The following ACSBG1 variants were observed in gnomAD, a reference collection of about 807,000 sequenced individuals.
The protein encoded by ACSBG1 is acyl-CoA synthetase bubblegum family member 1.
A neutral mutation model predicts 80.2 loss-of-function variants in ACSBG1; 39 were observed. That is an observed-to-expected ratio of 0.49 (90% CI 0.38 to 0.64). The LOEUF is 0.64. ACSBG1 is among the 30% of genes least tolerant of loss of function. The pLI is 0.00. For synonymous variants in ACSBG1, 392 were observed against 379.5 expected (o/e 1.03, Z -0.38); for missense variants, 828 against 966.4 (o/e 0.86, Z 1.90).
intron 1 of ACSBG1, among the ~76,000 whole-genome samples, chr15:78,224,925 AG>A (rs959441549): frequency 3.3e-5 from 5 of 152,180 alleles, no homozygotes; most frequent in Admixed American, 3.3e-4. Flanking sequence ...ATGACTGGAA[AG>A]GAAGAAGTAA....
At chr15:78,174,284 T>G (rs1194111440) in intron 12 of ACSBG1, 101 bp downstream of exon 12, 962 of 1,495,022 alleles carry the variant, frequency 6.4e-4, no homozygotes, top group Non-Finnish European at 8.1e-4. Context: ...AATGAAGCCA[T>G]GAGATCTGGA....
chr15:78,199,220 C>G (rs1258922842), intron 2 of ACSBG1, among the ~76,000 whole-genome samples: 3 of 151,974 alleles, frequency 2.0e-5, no homozygotes, highest in Non-Finnish European at 1.5e-5. Flanking sequence ...GCTGAGACCA[C>G]AGATGCACAG....
At chr15:78,223,743 G>T (rs2075377632) in intron 1 of ACSBG1, among the ~76,000 whole-genome samples, 2 of 152,326 alleles carry the variant, frequency 1.3e-5, no homozygotes, top group South Asian at 4.1e-4. Flanking sequence ...GCAAAAACTT[G>T]GAAGAGATTT....
intron 2 of ACSBG1, among the ~76,000 whole-genome samples, chr15:78,197,719 T>C (rs1277544289): frequency 9.7e-6 from 1 of 103,368 alleles, no homozygotes; most frequent in African/African-American, 3.7e-5. Context: ...ACTCTGTCTT[T>C]AAAAAAAAAA....
intron 5 of ACSBG1, among the ~76,000 whole-genome samples, chr15:78,189,064 G>T (rs1595886689): frequency 6.6e-6 from 1 of 151,912 alleles, no homozygotes; most frequent in African/African-American, 2.4e-5. Flanking sequence ...AAAAACACAT[G>T]AAAAAATGCT....
chr15:78,231,320 G>A (rs371446390), intron 1 of ACSBG1, among the ~76,000 whole-genome samples: 5 of 151,446 alleles, frequency 3.3e-5, no homozygotes, highest in East Asian at 1.9e-4. Context: ...TAGTAGAGAC[G>A]GGGTTTCTCC....
chr15:78,213,706 T>C (rs2075285654), intron 1 of ACSBG1: 1 of 152,214 alleles, frequency 6.6e-6, no homozygotes, highest in Non-Finnish European at 1.5e-5. Flanking sequence ...GAGAGGCAGT[T>C]TTTTGGCCGT....
At chr15:78,226,789 T>A (rs934649860) in intron 1 of ACSBG1, among the ~76,000 whole-genome samples, 6 of 107,934 alleles carry the variant, frequency 5.6e-5, no homozygotes, top group African/African-American at 1.9e-4. Flanking sequence ...TAGAAAAATA[T>A]ATATATATAT....
At chr15:78,171,789 A>G in intron 13 of ACSBG1, 1 of 330,524 alleles carries the variant, frequency 3.0e-6, no homozygotes, top group Non-Finnish European at 5.6e-6. Context: ...AATAGGTTAT[A>G]AAAGATCAGT....
chr15:78,232,248 A>C (rs1425976597), intron 1 of ACSBG1, among the ~76,000 whole-genome samples: 2 of 152,264 alleles, frequency 1.3e-5, no homozygotes, highest in African/African-American at 4.8e-5. Context: ...GATGCTATTG[A>C]GGCTCAGAAA....
chr15:78,174,701 G>A, intron 11 of ACSBG1, 177 bp from the exon 12 acceptor site: 2 of 674,914 alleles, frequency 3.0e-6, no homozygotes, highest in Non-Finnish European at 4.8e-6. Context: ...TTGGGGGCTG[G>A]TGGCAGCACC....
At chr15:78,206,874 C>G (rs555121812) in intron 2 of ACSBG1, among the ~76,000 whole-genome samples, 1 of 152,230 alleles carries the variant, frequency 6.6e-6, no homozygotes, top group Non-Finnish European at 1.5e-5. Context: ...GAGCCTCCCC[C>G]ACAAATGGCT....
chr15:78,230,727 C>T (rs752907854), intron 1 of ACSBG1, among the ~76,000 whole-genome samples: 2 of 152,224 alleles, frequency 1.3e-5, no homozygotes, highest in African/African-American at 2.4e-5. Flanking sequence ...CTCAAGCTCT[C>T]GTCTTGTCTG....
At position 78,194,715 on chromosome 15, in the gene ACSBG1, A is replaced by T; in HGVS notation, c.244T>A (p.Trp82Arg). 6.2e-7 allele frequency: 1 copy of T among 1,612,594 alleles called. No individual in the cohort carries two copies. Among genetic ancestry groups the T allele is most frequent in the Non-Finnish European group, 8.5e-7 (1 of 1,179,858 alleles). ...ACCCGCCCATCGGCCCGAGTCGTCC[A>T]CAGCGCCTCCTCTGTGGGGTGGGGG... is the stretch of plus-strand genomic sequence containing the variant. ...AQWDAPEEALWTTRADGRVRL... is the reference protein window; with the variant it reads ...AQWDAPEEALRTTRADGRVRL... The change falls in exon 3 of 14, where the codon TGG (tryptophan) becomes AGG (arginine). Residue 82 changes from tryptophan to arginine, a missense_variant. This residue lies in a region of ACSBG1 where 356 missense variants were observed against 363.5 expected (regional missense o/e 0.98). Coordinates refer to ENST00000258873, the MANE Select transcript of ACSBG1 (RefSeq NM_015162.5).
intron 5 of ACSBG1, among the ~76,000 whole-genome samples, chr15:78,186,896 GA>G (rs2075009908): frequency 6.6e-6 from 1 of 152,104 alleles, no homozygotes; most frequent in Non-Finnish European, 1.5e-5. Flanking sequence ...CTGGTTTTTT[GA>G]AAGGATCAAC....
intron 5 of ACSBG1, among the ~76,000 whole-genome samples, chr15:78,187,229 G>C (rs1158821839): frequency 6.6e-6 from 1 of 151,962 alleles, no homozygotes. Flanking sequence ...ATTCACAGCC[G>C]AATTCTATCA....
chr15:78,208,152 C>T (rs370400160), intron 1 of ACSBG1, 50 bp from the exon 2 acceptor site: 82 of 1,475,786 alleles, frequency 5.6e-5, no homozygotes, highest in Middle Eastern at 1.8e-4. Flanking sequence ...CGTGGGGGAC[C>T]GGCCTGGGCT....
At chr15:78,173,881 C>G (rs2074854882) in intron 12 of ACSBG1, 42 bp from the exon 13 acceptor site, 1 of 1,595,828 alleles carries the variant, frequency 6.3e-7, no homozygotes, top group East Asian at 2.2e-5. Context: ...CCTTACCCAA[C>G]AAGACGTAAG....
At position 78,167,849 on chromosome 15, in the gene ACSBG1, T is replaced by A. The variant is rs141036182; in HGVS notation, c.*3595A>T. The A allele has an allele frequency of 6.6e-6, 1 of 152,228 alleles. No homozygotes were observed. The highest frequency in any genetic ancestry group is 1.9e-4 in the East Asian group (1 of 5,200). 9.4% of individuals were successfully genotyped at this position (152,228 alleles called of 1,614,324 possible). ...AAAAAAATTCTGTAATTTGAAATTA[T>A]ATCGTGTGGCCAAAATACAAGAAAT... On this transcript the variant is annotated 3_prime_UTR_variant, in exon 14 of 14. Coordinates refer to ENST00000258873, the MANE Select transcript of ACSBG1 (RefSeq NM_015162.5).
Sources: gnomAD v4.1 joint callset for allele counts (sites outside exome capture counted in the v4.1 genomes callset) on GRCh38, gnomAD v4.1.1 for gene constraint, gnomAD v4.1.1 regional missense constraint, MANE v1.5 for transcripts, NCBI Gene and HGNC (gene_info 2026-07-23, HGNC 2026-07-21) for gene names.